RGMA: variants seen among roughly 807,000 people sequenced by gnomAD.
The protein encoded by RGMA is repulsive guidance molecule A.
In RGMA, 10 loss-of-function variants were observed where a neutral mutation model predicts 23.2. The observed-to-expected ratio is 0.43, with a 90% CI of 0.27 to 0.73. The LOEUF (loss-of-function observed/expected upper bound fraction) is 0.73, where lower values mean the gene tolerates loss of function less well. Ranked by LOEUF, RGMA falls within the 30% of genes least tolerant of loss-of-function variation. The probability of loss-of-function intolerance (pLI) is 0.20; values close to 1 mark genes in which losing one functional copy is unlikely to be tolerated. For missense variants in RGMA, 547 were observed against 630.5 expected (o/e 0.87, Z 1.42); for synonymous variants, 308 against 279.3 (o/e 1.10, Z -1.03).
chr15:93,058,186 G>T (rs1055822965), intron 2 of RGMA, among the ~76,000 whole-genome samples: 2 of 152,212 alleles, frequency 1.3e-5, no homozygotes. Context: ...CACCCAGAGA[G>T]AACTGGAGAG....
chr15:93,072,132 A>C (rs1241030637), intron 2 of RGMA, among the ~76,000 whole-genome samples: 3 of 152,012 alleles, frequency 2.0e-5, no homozygotes, highest in Non-Finnish European at 4.4e-5. Context: ...AAAAAAGTAA[A>C]GAAACTGGAG....
intron 2 of RGMA, among the ~76,000 whole-genome samples, chr15:93,066,884 C>G (rs1188422553): frequency 1.3e-5 from 2 of 152,200 alleles, no homozygotes. Context: ...CTGGGTTCTA[C>G]TTCTGGCTCT....
intron 3 of RGMA, among the ~76,000 whole-genome samples, chr15:93,050,211 A>G (rs1438386852): frequency 6.6e-6 from 1 of 152,180 alleles, no homozygotes; most frequent in Non-Finnish European, 1.5e-5. Context: ...GAGGGCAACA[A>G]CTAGCTCAGA....
At chr15:93,056,145 A>G (rs1163702480) in intron 2 of RGMA, among the ~76,000 whole-genome samples, 1 of 152,140 alleles carries the variant, frequency 6.6e-6, no homozygotes, top group Non-Finnish European at 1.5e-5. Context: ...TCCCCGGCCC[A>G]CTTTGAGTAG....
rs752784529 is a variant in RGMA at position 93,039,492 on chromosome 15, A to T, written c.*5506T>A. 6.6e-6 allele frequency: 1 copy of T among 152,140 alleles called. No homozygotes were observed. The highest frequency in any genetic ancestry group is 1.5e-5 in the Non-Finnish European group (1 of 68,032). 9.4% of individuals were successfully genotyped at this position (152,140 alleles called of 1,614,324 possible). On this transcript the variant is annotated 3_prime_UTR_variant, in exon 4 of 4. Transcript: ENST00000329082. Reference sequence around the variant, plus strand: ...CGTGCCATGGTGGTTTGCTGCACCTATGAACCCGTCATCATCTACATTGGG... The same window carrying T: ...CGTGCCATGGTGGTTTGCTGCACCTTTGAACCCGTCATCATCTACATTGGG...
At chr15:93,053,623 G>A (rs944186536) in intron 2 of RGMA, among the ~76,000 whole-genome samples, 6 of 152,232 alleles carry the variant, frequency 3.9e-5, no homozygotes, top group African/African-American at 9.6e-5. Flanking sequence ...TTTGAGGGCA[G>A]GCTAACGCGA....
chr15:93,067,473 G>A (rs1373631336), intron 2 of RGMA, among the ~76,000 whole-genome samples: 1 of 152,176 alleles, frequency 6.6e-6, no homozygotes, highest in Admixed American at 6.5e-5. Context: ...CTTTACAAGA[G>A]GACAAAAACG....
chr15:93,088,346 A>G (rs62045495), intron 1 of RGMA: 2 of 985,464 alleles, frequency 2.0e-6, no homozygotes, highest in Non-Finnish European at 2.4e-6. Context: ...CACTTAGGAA[A>G]GCCGGGGCGG....
At chr15:93,077,924 T>C (rs1331337987) in intron 1 of RGMA, among the ~76,000 whole-genome samples, 1 of 152,214 alleles carries the variant, frequency 6.6e-6, no homozygotes, top group Non-Finnish European at 1.5e-5. Context: ...GCCAGGCTGG[T>C]CTCAAACTCC....
intron 2 of RGMA, among the ~76,000 whole-genome samples, chr15:93,058,760 A>T (rs1159940820): frequency 6.7e-6 from 1 of 149,756 alleles, no homozygotes; most frequent in African/African-American, 2.5e-5. Flanking sequence ...CTTCCTTCAC[A>T]CCTCTCGGAT....
chr15:93,051,953 AG>A (rs1462578638), intron 3 of RGMA, 39 bp downstream of exon 3: 8 of 1,536,204 alleles, frequency 5.2e-6, no homozygotes, highest in Admixed American at 3.8e-5. Flanking sequence ...GCAGAGACAA[AG>A]GGCAGGGCTG....
intron 1 of RGMA, among the ~76,000 whole-genome samples, chr15:93,087,713 C>T (rs189129961): frequency 2.6e-5 from 4 of 152,322 alleles, no homozygotes; most frequent in African/African-American, 4.8e-5. Context: ...GGGGCATCTT[C>T]TTACAGCAGT....
At position 93,043,894 on chromosome 15, in the gene RGMA, C is replaced by G. The variant is rs1429276295; in HGVS notation, c.*1104G>C. ...GCACAGCAGCACAGGTGGGACTGTT[C>G]TGGGCCCCTGGATGAGCACCCTGGG... On this transcript the variant is annotated 3_prime_UTR_variant, in exon 4 of 4. Transcript: ENST00000329082. The G allele has an allele frequency of 1.3e-5, 2 of 152,424 alleles. No individual in the cohort carries two copies. The highest frequency in any genetic ancestry group is 2.9e-5 in the Non-Finnish European group (2 of 68,210). 9.4% of individuals were successfully genotyped at this position (152,424 alleles called of 1,614,324 possible).
intron 2 of RGMA, among the ~76,000 whole-genome samples, chr15:93,072,507 T>C (rs933285592): frequency 1.3e-5 from 2 of 151,642 alleles, no homozygotes; most frequent in African/African-American, 4.9e-5. Context: ...GCTCCACCCC[T>C]GGGCACCCGG....
At chr15:93,048,913 G>A (rs907206412) in intron 3 of RGMA, among the ~76,000 whole-genome samples, 1 of 127,314 alleles carries the variant, frequency 7.9e-6, no homozygotes, top group Non-Finnish European at 1.7e-5. Flanking sequence ...GTGGGGGGGG[G>A]CGGCGTCCTG....
chr15:93,049,145 T>G (rs897576913), intron 3 of RGMA, among the ~76,000 whole-genome samples: 6 of 152,220 alleles, frequency 3.9e-5, no homozygotes, highest in African/African-American at 7.2e-5. Flanking sequence ...CTGTCTCTGC[T>G]GCTCCCCCTT....
chr15:93,050,310 G>C (rs955180512), intron 3 of RGMA, among the ~76,000 whole-genome samples: 1 of 152,220 alleles, frequency 6.6e-6, no homozygotes, highest in East Asian at 1.9e-4. Context: ...ACAGACAGGC[G>C]GGGGCAGGCC....
intron 3 of RGMA, among the ~76,000 whole-genome samples, chr15:93,050,829 C>T (rs890817174): frequency 6.6e-6 from 1 of 152,186 alleles, no homozygotes; most frequent in Non-Finnish European, 1.5e-5. Context: ...GAGGCCAGGT[C>T]CCCTCTGAAG....
chr15:93,074,566 G>C (rs1895438041), intron 1 of RGMA, among the ~76,000 whole-genome samples: 1 of 152,228 alleles, frequency 6.6e-6, no homozygotes, highest in Admixed American at 6.5e-5. Flanking sequence ...TTACGAGGGG[G>C]TGTCACTGTG....
Sources: gnomAD v4.1 joint callset for allele counts (sites outside exome capture counted in the v4.1 genomes callset) on GRCh38, gnomAD v4.1.1 for gene constraint, MANE v1.5 for transcripts, NCBI Gene and HGNC (gene_info 2026-07-23, HGNC 2026-07-21) for gene names.